Variants in HHAT observed in about 807,000 individuals in gnomAD.
HHAT encodes the protein protein-cysteine N-palmitoyltransferase HHAT.
Under a neutral mutation model 70.8 loss-of-function variants are expected in HHAT, and 47 were observed. That is an observed-to-expected ratio of 0.66 (90% CI 0.53 to 0.85). The LOEUF is 0.85. HHAT is among the 40% of genes least tolerant of loss of function. HHAT has a pLI of 0.00. For missense variants in HHAT, 609 were observed against 604.8 expected (o/e 1.01, Z -0.07); for synonymous variants, 228 against 247.6 (o/e 0.92, Z 0.74).
In HHAT at chr1:210,328,942, G is replaced by GCTGCT. The variant is rs1483545872; in HGVS notation, c.-204_-200dup. The GCTGCT allele has an allele frequency of 1.1e-4, 123 of 1,152,160 alleles. No homozygotes were observed. Among genetic ancestry groups the GCTGCT allele is most frequent in the South Asian group, 1.8e-4 (6 of 33,764 alleles). The allele number at this position is 1,152,160 out of a possible 1,614,324, so 71.4% of individuals were successfully genotyped here. On this transcript the variant is annotated 5_prime_UTR_variant, in exon 1 of 12. Transcript: ENST00000261458. Reference sequence around the variant, plus strand: ...GGCGTGCTCGGAGGACGCGCGCTGCGCTGCTCCTCCAAAGGGCAGCTCCGG... The same window carrying GCTGCT: ...GGCGTGCTCGGAGGACGCGCGCTGCGCTGCTCTGCTCCTCCAAAGGGCAGCTCCGG...
chr1:210,537,296 C>T (rs1451532807), intron 9 of HHAT, among the ~76,000 whole-genome samples: 1 of 152,194 alleles, frequency 6.6e-6, no homozygotes, highest in East Asian at 1.9e-4. Context: ...CACCCTTCTT[C>T]TGCTGTCTGC....
chr1:210,638,539 T>C (rs2148906408), intron 11 of HHAT, among the ~76,000 whole-genome samples: 1 of 152,176 alleles, frequency 6.6e-6, no homozygotes, highest in East Asian at 1.9e-4. Flanking sequence ...TGTAGGGTAA[T>C]AGCTAATGGG....
chr1:210,652,397 C>T (rs1033030383), intron 11 of HHAT, among the ~76,000 whole-genome samples: 1 of 152,142 alleles, frequency 6.6e-6, no homozygotes, highest in Non-Finnish European at 1.5e-5. Flanking sequence ...TTGATTTCCT[C>T]GCTTAATAAA....
intron 11 of HHAT, among the ~76,000 whole-genome samples, chr1:210,657,792 G>A (rs1676758034): frequency 6.6e-6 from 1 of 152,116 alleles, no homozygotes; most frequent in African/African-American, 2.4e-5. Context: ...CCCTTGGTAA[G>A]TCCAGGTGTT....
At chr1:210,474,566 G>T (rs1490184139) in intron 8 of HHAT, among the ~76,000 whole-genome samples, 1 of 152,210 alleles carries the variant, frequency 6.6e-6, no homozygotes, top group African/African-American at 2.4e-5. Context: ...GCCATAGTCT[G>T]TATTTCCTAT....
chr1:210,580,910 C>T (rs1470369160), intron 9 of HHAT, among the ~76,000 whole-genome samples: 1 of 152,146 alleles, frequency 6.6e-6, no homozygotes, highest in Non-Finnish European at 1.5e-5. Flanking sequence ...TACTATCTTC[C>T]ACGATGGTTG....
chr1:210,637,441 C>T (rs955986758), intron 11 of HHAT, among the ~76,000 whole-genome samples: 9 of 152,044 alleles, frequency 5.9e-5, no homozygotes, highest in African/African-American at 2.2e-4. Flanking sequence ...AACTTTGGTG[C>T]TTCAAAGGAC....
chr1:210,638,004 C>T (rs1442621599), intron 11 of HHAT, among the ~76,000 whole-genome samples: 1 of 152,204 alleles, frequency 6.6e-6, no homozygotes, highest in Non-Finnish European at 1.5e-5. Context: ...GATACTACTT[C>T]ACAGCTACTC....
intron 10 of HHAT, among the ~76,000 whole-genome samples, chr1:210,623,304 G>T (rs1669222083): frequency 6.6e-6 from 1 of 152,090 alleles, no homozygotes; most frequent in Non-Finnish European, 1.5e-5. Context: ...GAACTCCTGG[G>T]CCCAAGTGAT....
chr1:210,595,675 G>T (rs958538664), intron 10 of HHAT, among the ~76,000 whole-genome samples: 2 of 152,164 alleles, frequency 1.3e-5, no homozygotes, highest in Non-Finnish European at 2.9e-5. Flanking sequence ...GTGTGAGATG[G>T]TATCTCATTG....
At chr1:210,389,474 C>A (rs1252175804) in intron 4 of HHAT, among the ~76,000 whole-genome samples, 1 of 152,236 alleles carries the variant, frequency 6.6e-6, no homozygotes, top group Non-Finnish European at 1.5e-5. Flanking sequence ...ATCCCCACGT[C>A]TTGCAGGAGG....
chr1:210,590,914 A>G (rs1234390882), intron 10 of HHAT, among the ~76,000 whole-genome samples: 1 of 152,106 alleles, frequency 6.6e-6, no homozygotes, highest in Non-Finnish European at 1.5e-5. Flanking sequence ...TCTTTGTCAT[A>G]TCTTCTTTAC....
chr1:210,425,030 T>C (rs2093020152), intron 7 of HHAT, among the ~76,000 whole-genome samples: 1 of 152,214 alleles, frequency 6.6e-6, no homozygotes, highest in African/African-American at 2.4e-5. Context: ...GACTTTTTAA[T>C]AACAGCCATT....
chr1:210,525,209 T>G (rs968828132), intron 9 of HHAT, among the ~76,000 whole-genome samples: 3 of 152,104 alleles, frequency 2.0e-5, no homozygotes, highest in Non-Finnish European at 4.4e-5. Context: ...TCCCCTTGGA[T>G]GTCAGCCCCT....
intron 7 of HHAT, among the ~76,000 whole-genome samples, chr1:210,420,057 G>A (rs916695198): frequency 1.3e-5 from 2 of 152,160 alleles, no homozygotes; most frequent in African/African-American, 2.4e-5. Flanking sequence ...TTCAGCTTAA[G>A]AACTAACCAG....
intron 11 of HHAT, among the ~76,000 whole-genome samples, chr1:210,652,069 C>A (rs531918600): frequency 7.2e-5 from 11 of 152,268 alleles, no homozygotes; most frequent in African/African-American, 2.6e-4. Flanking sequence ...TACACATCAG[C>A]CACTCTATCA....
chr1:210,474,401 C>T (rs1254487674), intron 8 of HHAT, among the ~76,000 whole-genome samples: 1 of 152,194 alleles, frequency 6.6e-6, no homozygotes, highest in Non-Finnish European at 1.5e-5. Flanking sequence ...GGTGGTCTTC[C>T]TGCCTCAGCC....
chr1:210,543,558 C>T (rs2095452251), intron 9 of HHAT, among the ~76,000 whole-genome samples: 1 of 152,088 alleles, frequency 6.6e-6, no homozygotes, highest in Admixed American at 6.5e-5. Flanking sequence ...TGTGTCACTG[C>T]ACTCCAATCT....
chr1:210,538,942 T>C (rs1174305567), intron 9 of HHAT, among the ~76,000 whole-genome samples: 1 of 151,960 alleles, frequency 6.6e-6, no homozygotes, highest in Non-Finnish European at 1.5e-5. Context: ...CCGAGTGAGG[T>C]GGTGGACTTC....
Sources: allele counts gnomAD v4.1 joint callset (sites outside exome capture counted in the v4.1 genomes callset), GRCh38; gene constraint gnomAD v4.1.1; transcripts MANE v1.5; gene names NCBI Gene and HGNC (gene_info 2026-07-23, HGNC 2026-07-21).